The following NIBAN2 variants were observed in gnomAD, a reference collection of about 807,000 sequenced individuals.
NIBAN2 encodes the protein niban apoptosis regulator 2.
NIBAN2 carries 36 observed loss-of-function variants against 81.8 expected under a neutral mutation model. The observed-to-expected ratio is 0.44, with a 90% CI of 0.34 to 0.58. NIBAN2 has a LOEUF of 0.58. NIBAN2 is among the 20% of genes least tolerant of loss of function. The probability of loss-of-function intolerance (pLI) is 0.02; values close to 1 mark genes in which losing one functional copy is unlikely to be tolerated. For missense variants in NIBAN2, 897 were observed against 1,014.1 expected, an observed-to-expected ratio of 0.88 and a Z score of 1.57; for synonymous variants, 445 against 441.6, an observed-to-expected ratio of 1.01 and a Z score of -0.10.
At chr9:127,564,948 C>T (rs933781884) in intron 1 of NIBAN2, among the ~76,000 whole-genome samples, 1 of 152,034 alleles carries the variant, frequency 6.6e-6, no homozygotes, top group Admixed American at 6.6e-5. Flanking sequence ...TGGTGACACA[C>T]CACACTTAAG....
chr9:127,526,139 C>G (rs1192711874), intron 3 of NIBAN2, among the ~76,000 whole-genome samples: 1 of 152,038 alleles, frequency 6.6e-6, no homozygotes, highest in African/African-American at 2.4e-5. Flanking sequence ...CAGTGGCTCA[C>G]GCCTGTAATC....
intron 8 of NIBAN2, among the ~76,000 whole-genome samples, chr9:127,515,354 A>G (rs1564296923): frequency 6.6e-6 from 1 of 151,898 alleles, no homozygotes; most frequent in East Asian, 2.0e-4. Context: ...CCTTGTCTGT[A>G]CTAAAAAATA....
intron 1 of NIBAN2, among the ~76,000 whole-genome samples, chr9:127,542,825 C>A (rs1052023231): frequency 6.6e-6 from 1 of 152,244 alleles, no homozygotes; most frequent in Admixed American, 6.5e-5. Flanking sequence ...CAGATTCAAG[C>A]AATTCTTCTG....
chr9:127,576,879 G>T (rs1309358502), intron 1 of NIBAN2, among the ~76,000 whole-genome samples: 3 of 151,512 alleles, frequency 2.0e-5, no homozygotes, highest in Non-Finnish European at 4.4e-5. Flanking sequence ...TTTTAGTAGA[G>T]ACGGGGTTTC....
At chr9:127,553,416 C>T (rs1837612847) in intron 1 of NIBAN2, among the ~76,000 whole-genome samples, 1 of 152,242 alleles carries the variant, frequency 6.6e-6, no homozygotes, top group Non-Finnish European at 1.5e-5. Context: ...GAAGGAGTTC[C>T]CTGGCTGGGG....
intron 1 of NIBAN2, among the ~76,000 whole-genome samples, chr9:127,568,527 C>G (rs1017641350): frequency 4.0e-5 from 6 of 150,848 alleles, no homozygotes; most frequent in African/African-American, 1.4e-4. Context: ...CCAGCTCGGC[C>G]AGGGGTCGTG....
chr9:127,552,981 C>T (rs1447963379), intron 1 of NIBAN2, among the ~76,000 whole-genome samples: 2 of 152,148 alleles, frequency 1.3e-5, no homozygotes, highest in Admixed American at 6.5e-5. Flanking sequence ...CATTAGCCTC[C>T]TTGCTCAGCC....
chr9:127,576,490 G>C (rs7875176), intron 1 of NIBAN2, among the ~76,000 whole-genome samples: 2 of 152,020 alleles, frequency 1.3e-5, no homozygotes, highest in African/African-American at 4.8e-5. Context: ...TAATGGAAGC[G>C]CCCGTTCATT....
In NIBAN2 at chr9:127,544,543, G is replaced by A. The variant is rs890568861; in HGVS notation, c.56-12765C>T. The stretch of plus-strand genomic sequence containing the variant: ...TTTGAGATGGAGTCCCCACTCTGTT[G>A]CCCAGGCTGGAGTGCAGTGGCATGA... On this transcript the variant is annotated intron_variant, in intron 1 of 13. Coordinates refer to ENST00000373312, the MANE Select transcript of NIBAN2 (RefSeq NM_022833.4). 7.9e-5 allele frequency among the ~76,000 whole-genome samples: 12 copies of A among 151,168 alleles called. 1 individual carries two copies. In the East Asian group the frequency reaches 2.1e-3, roughly 27 times the overall value.
chr9:127,516,933 C>T lies in NIBAN2; in HGVS notation c.897G>A (p.Pro299=), dbSNP rs760152330. The change falls in exon 8 of 14, where the codon CCG becomes CCA. Residue 299 remains proline, a synonymous_variant. Coordinates refer to ENST00000373312, the MANE Select transcript of NIBAN2 (RefSeq NM_022833.4). ...CAGTTCGGATGACGGCCTGCATGGCCGGCTGCACCTGCTGCACCTTGGACA... is the reference window on the plus strand; with the variant it reads ...CAGTTCGGATGACGGCCTGCATGGCTGGCTGCACCTGCTGCACCTTGGACA... ...EVLSKVQQVQ[P]AMQAVIRTDM... 8.7e-6 allele frequency: 14 copies of T among 1,614,202 alleles called. No homozygotes were observed. The highest frequency in any genetic ancestry group is 1.1e-5 in the Non-Finnish European group (13 of 1,180,028).
chr9:127,539,846 T>A (rs1056544729), intron 1 of NIBAN2, among the ~76,000 whole-genome samples: 1 of 152,210 alleles, frequency 6.6e-6, no homozygotes, highest in African/African-American at 2.4e-5. Context: ...ACACACAGGC[T>A]CTGGGTCCAA....
intron 1 of NIBAN2, among the ~76,000 whole-genome samples, chr9:127,560,762 G>A (rs550031531): frequency 6.6e-6 from 1 of 152,296 alleles, no homozygotes; most frequent in African/African-American, 2.4e-5. Flanking sequence ...AAGAAATAAG[G>A]ACTACGTGTG....
At position 127,559,473 on chromosome 9, in the gene NIBAN2, G is replaced by A. The variant is rs981118106; in HGVS notation, c.55+9347C>T. 1.3e-5 allele frequency among the ~76,000 whole-genome samples: 2 copies of A among 152,210 alleles called. No homozygotes were observed. Among genetic ancestry groups the A allele is most frequent in the South Asian group, 2.1e-4 (1 of 4,828 alleles). On this transcript the variant is annotated intron_variant, in intron 1 of 13. Transcript: ENST00000373312. This position sits in a 1 kb window ranked among gnomAD's most constrained non-coding sequence, Gnocchi z 4.0. The stretch of plus-strand genomic sequence containing the variant: ...TCCTGGGGAGCCTGCCTCCTAGCCC[G>A]CACCCACCAGTGGTTCCTGGCAGGT...
chr9:127,574,756 A>G (rs1246395939), intron 1 of NIBAN2, among the ~76,000 whole-genome samples: 10 of 152,162 alleles, frequency 6.6e-5, no homozygotes, highest in Admixed American at 6.5e-4. Context: ...ACCTCTGTTT[A>G]CCCAGTTGGC....
chr9:127,569,041 C>G lies in NIBAN2; in HGVS notation c.-167G>C. On this transcript the variant is annotated 5_prime_UTR_variant, in exon 1 of 14. Transcript: ENST00000373312. The stretch of plus-strand genomic sequence containing the variant: ...GCGGCTTCCGCTCCGGCTCCGCTCC[C>G]GGTCGGGCCCCGTCCCTCCAGCCGG... 9.1e-7 allele frequency: 1 copy of G among 1,100,398 alleles called. No homozygotes were observed. Among genetic ancestry groups the G allele is most frequent in the South Asian group, 4.3e-5 (1 of 23,068 alleles). The allele number at this position is 1,100,398 out of a possible 1,614,324, so 68.2% of individuals were successfully genotyped here. A position where few individuals can be genotyped will look rare whatever the true frequency, so the allele number is the denominator to read the frequency against.
At chr9:127,551,679 C>T (rs1294357353) in intron 1 of NIBAN2, among the ~76,000 whole-genome samples, 3 of 151,488 alleles carry the variant, frequency 2.0e-5, no homozygotes, top group African/African-American at 7.3e-5. Flanking sequence ...CACGTCACTG[C>T]ACTCCAGCCT....
intron 1 of NIBAN2, among the ~76,000 whole-genome samples, chr9:127,550,380 C>T (rs1213123232): frequency 6.6e-6 from 1 of 152,254 alleles, no homozygotes; most frequent in East Asian, 1.9e-4. Context: ...AGCACTGTCC[C>T]TGACTGTTGC....
intron 1 of NIBAN2, among the ~76,000 whole-genome samples, chr9:127,575,456 G>T (rs1011204522): frequency 6.7e-6 from 1 of 150,228 alleles, no homozygotes; most frequent in Non-Finnish European, 1.5e-5. Flanking sequence ...TTGAACTCCT[G>T]ACCTCGTGAT....
chr9:127,574,093 T>C (rs1370133492), intron 1 of NIBAN2, among the ~76,000 whole-genome samples: 1 of 152,218 alleles, frequency 6.6e-6, no homozygotes, highest in East Asian at 1.9e-4. Context: ...GGATATCTGT[T>C]CTTTTTCTAA....
Sources: allele counts gnomAD v4.1 joint callset (sites outside exome capture counted in the v4.1 genomes callset), GRCh38; gene constraint gnomAD v4.1.1; non-coding constraint Gnocchi (gnomAD v3.1); transcripts MANE v1.5; gene names NCBI Gene and HGNC (gene_info 2026-07-23, HGNC 2026-07-21).